Variants in GNA14 observed in about 807,000 individuals in gnomAD.
The protein encoded by GNA14 is G protein subunit alpha 14, also known as guanine nucleotide-binding protein subunit alpha-14.
Under a neutral mutation model 42.0 loss-of-function variants are expected in GNA14, and 50 were observed. That is an observed-to-expected ratio of 1.19 (90% CI 0.95 to 1.51). The LOEUF is 1.51. Among genes scored for constraint, GNA14 ranks in the 40% most tolerant of loss-of-function variants. The pLI, the probability that GNA14 is intolerant of heterozygous loss-of-function variation, is 0.00. For synonymous variants in GNA14, 173 were observed against 163.1 expected, an observed-to-expected ratio of 1.06 and a Z score of -0.46; for missense variants, 473 against 446.2, an observed-to-expected ratio of 1.06 and a Z score of -0.54.
At chr9:77,596,799 C>T (rs775890247) in intron 1 of GNA14, among the ~76,000 whole-genome samples, 5 of 152,172 alleles carry the variant, frequency 3.3e-5, no homozygotes, top group Non-Finnish European at 7.3e-5. Context: ...CTGATTGCCT[C>T]ATTTGGAGAG....
intron 1 of GNA14, among the ~76,000 whole-genome samples, chr9:77,558,616 G>T (rs918005099): frequency 6.6e-6 from 1 of 152,078 alleles, no homozygotes; most frequent in South Asian, 2.1e-4. Context: ...TCTAGAAAAT[G>T]TATCTAGGGA....
intron 1 of GNA14, among the ~76,000 whole-genome samples, chr9:77,542,856 GA>G (rs924501357): frequency 2.0e-5 from 3 of 152,216 alleles, no homozygotes; most frequent in African/African-American, 7.2e-5. Flanking sequence ...AGTAATGGGG[GA>G]AGGGAACTAG....
At chr9:77,598,662 G>T (rs1002896682) in intron 1 of GNA14, among the ~76,000 whole-genome samples, 1 of 152,166 alleles carries the variant, frequency 6.6e-6, no homozygotes, top group Non-Finnish European at 1.5e-5. Flanking sequence ...CAAGTAAAAA[G>T]CAGGGAACTA....
rs116144249 is a variant in GNA14 at position 77,646,243 on chromosome 9, C to G, written c.124+1427G>C. On this transcript the variant is annotated intron_variant, in intron 1 of 6. Transcript: ENST00000341700. ...CCAAGCACTTTTACGCCCCAGCAAA[C>G]AGCTGCCCCTTTGTGAGCTCTCCAG... is the stretch of plus-strand genomic sequence containing the variant. Among the ~76,000 whole-genome samples, 673 of 152,342 alleles carry G rather than the reference C, an allele frequency of 4.4e-3. 3 individuals carry two copies. Among genetic ancestry groups the G allele is most frequent in the African/African-American group, 0.015 (621 of 41,580 alleles).
intron 2 of GNA14, among the ~76,000 whole-genome samples, chr9:77,522,212 A>G (rs1472137431): frequency 6.6e-6 from 1 of 152,200 alleles, no homozygotes; most frequent in African/African-American, 2.4e-5. Flanking sequence ...CATCAGAAGG[A>G]AATTACGCTT....
chr9:77,440,373 T>C (rs1014063691), intron 2 of GNA14, among the ~76,000 whole-genome samples: 1 of 152,086 alleles, frequency 6.6e-6, no homozygotes, highest in African/African-American at 2.4e-5. Flanking sequence ...GGCAGCCCCG[T>C]CTCCACCAGA....
rs555649166 is a variant in GNA14 at position 77,528,160 on chromosome 9, T to C, written c.309+909A>G. Among the ~76,000 whole-genome samples the C allele has an allele frequency of 5.9e-5, 9 of 152,284 alleles. No individual in the cohort carries two copies. In the East Asian group the frequency reaches 1.7e-3, roughly 29 times the overall value. ...TTTTTTAATCATATATATATGAGTATAGGTGCCACAAGTTCATAATAAAGT... is the reference window on the plus strand; with the variant it reads ...TTTTTTAATCATATATATATGAGTACAGGTGCCACAAGTTCATAATAAAGT... On this transcript the variant is annotated intron_variant, in intron 2 of 6. Transcript: ENST00000341700.
rs190471479 is a variant in GNA14 at position 77,433,603 on chromosome 9, T to C, written c.464+765A>G. On this transcript the variant is annotated intron_variant, in intron 3 of 6. Transcript: ENST00000341700. ...GTCTCGAATTCCTGGTTTCAAGCGATCCTCCCACCTCTGCCTCCCAAGTCC... is the reference window on the plus strand; with the variant it reads ...GTCTCGAATTCCTGGTTTCAAGCGACCCTCCCACCTCTGCCTCCCAAGTCC... Among the ~76,000 whole-genome samples, 1,290 of 152,166 alleles carry C rather than the reference T, an allele frequency of 8.5e-3. 16 individuals are homozygous for C. The highest frequency in any genetic ancestry group is 0.012 in the Non-Finnish European group (800 of 68,008).
At chr9:77,612,027 CTAATAA>C (rs1332680807) in intron 1 of GNA14, among the ~76,000 whole-genome samples, 3 of 151,952 alleles carry the variant, frequency 2.0e-5, no homozygotes, top group Non-Finnish European at 2.9e-5. Flanking sequence ...AATATTGTCA[CTAATAA>C]TAACAATATT....
chr9:77,518,365 A>G (rs1837295245), intron 2 of GNA14, among the ~76,000 whole-genome samples: 1 of 152,172 alleles, frequency 6.6e-6, no homozygotes, highest in African/African-American at 2.4e-5. Context: ...GAATCCAAAT[A>G]ATGACCATCA....
chr9:77,436,743 C>T (rs1221863456), intron 2 of GNA14, among the ~76,000 whole-genome samples: 1 of 152,206 alleles, frequency 6.6e-6, no homozygotes, highest in Non-Finnish European at 1.5e-5. Flanking sequence ...AGGGCAGAAC[C>T]AATGTCTTAT....
chr9:77,527,942 C>T (rs1011595895), intron 2 of GNA14, among the ~76,000 whole-genome samples: 72 of 152,228 alleles, frequency 4.7e-4, no homozygotes, highest in African/African-American at 1.5e-3. Flanking sequence ...GCCCACCCCA[C>T]GCAAGTTTTA....
chr9:77,546,977 T>A (rs1837727107), intron 1 of GNA14, among the ~76,000 whole-genome samples: 2 of 152,202 alleles, frequency 1.3e-5, no homozygotes, highest in African/African-American at 4.8e-5. Context: ...GTCCAGACAA[T>A]AATGTATATG....
intron 1 of GNA14, among the ~76,000 whole-genome samples, chr9:77,614,732 C>T (rs980236487): frequency 2.0e-4 from 30 of 152,130 alleles, no homozygotes; most frequent in Non-Finnish European, 3.4e-4. Flanking sequence ...CTTCCTTCTT[C>T]CCCACTTCAG....
intron 1 of GNA14, among the ~76,000 whole-genome samples, chr9:77,563,352 A>C (rs1822913767): frequency 1.3e-5 from 2 of 152,186 alleles, no homozygotes; most frequent in Non-Finnish European, 2.9e-5. Flanking sequence ...ACTCCAGGAC[A>C]AATGAATGAA....
At chr9:77,560,500 G>GCTC in intron 1 of GNA14, among the ~76,000 whole-genome samples, 4 of 151,852 alleles carry the variant, frequency 2.6e-5, no homozygotes, top group African/African-American at 9.7e-5. Context: ...TTTTTTTGTA[G>GCTC]AGATTGGGTT....
intron 2 of GNA14, among the ~76,000 whole-genome samples, chr9:77,482,863 T>G (rs1836581808): frequency 6.6e-6 from 1 of 152,256 alleles, no homozygotes; most frequent in Non-Finnish European, 1.5e-5. Context: ...CTGAGGCTTC[T>G]GCATCCTTCA....
intron 2 of GNA14, among the ~76,000 whole-genome samples, chr9:77,478,938 G>A (rs1836488258): frequency 6.6e-6 from 1 of 152,184 alleles, no homozygotes; most frequent in African/African-American, 2.4e-5. Context: ...CCCTTTGTCA[G>A]ATGAGTAGGT....
chr9:77,565,565 C>A (rs952487558), intron 1 of GNA14, among the ~76,000 whole-genome samples: 4 of 152,138 alleles, frequency 2.6e-5, no homozygotes, highest in African/African-American at 7.2e-5. Context: ...TCAAGTGATT[C>A]TTGTGCCTCA....
Sources: gnomAD v4.1 joint callset for allele counts (sites outside exome capture counted in the v4.1 genomes callset) on GRCh38, gnomAD v4.1.1 for gene constraint, MANE v1.5 for transcripts, NCBI Gene and HGNC (gene_info 2026-07-23, HGNC 2026-07-21) for gene names.